Variants in OSBPL6 observed in about 807,000 individuals in gnomAD.
The protein encoded by OSBPL6 is oxysterol-binding protein-related protein 6.
Under a neutral mutation model 125.8 loss-of-function variants are expected in OSBPL6, and 49 were observed. That is an observed-to-expected ratio of 0.39 (90% CI 0.31 to 0.49). OSBPL6 has a LOEUF of 0.49. Ranked by LOEUF, OSBPL6 falls within the 20% of genes least tolerant of loss-of-function variation. OSBPL6 has a pLI of 0.88. For missense variants in OSBPL6, 986 were observed against 1,135.4 expected, an observed-to-expected ratio of 0.87 and a Z score of 1.89; for synonymous variants, 394 against 391.8, an observed-to-expected ratio of 1.01 and a Z score of -0.07.
intron 3 of OSBPL6, among the ~76,000 whole-genome samples, chr2:178,316,020 T>C (rs913156030): frequency 4.6e-5 from 7 of 152,176 alleles, no homozygotes; most frequent in African/African-American, 1.4e-4. Context: ...CCACTGTAAC[T>C]CTCCTGGACT....
At chr2:178,228,349 C>T (rs967525931) in intron 1 of OSBPL6, among the ~76,000 whole-genome samples, 2 of 152,252 alleles carry the variant, frequency 1.3e-5, no homozygotes, top group African/African-American at 2.4e-5. Context: ...TCCTGGCTAA[C>T]ATGGTGAAAC....
At chr2:178,273,252 A>G (rs2092406470) in intron 1 of OSBPL6, among the ~76,000 whole-genome samples, 1 of 152,170 alleles carries the variant, frequency 6.6e-6, no homozygotes, top group African/African-American at 2.4e-5. Flanking sequence ...AGGCTAAGGA[A>G]TTTCGGCTTT....
chr2:178,281,603 G>T (rs1684179532), intron 1 of OSBPL6, among the ~76,000 whole-genome samples: 1 of 152,074 alleles, frequency 6.6e-6, no homozygotes, highest in African/African-American at 2.4e-5. Context: ...TATTTTCTAT[G>T]CTGTCCCATT....
At chr2:178,197,778 T>TA (rs1210668946) in intron 1 of OSBPL6, among the ~76,000 whole-genome samples, 34 of 150,846 alleles carry the variant, frequency 2.3e-4, no homozygotes, top group Admixed American at 1.4e-3. Context: ...GATATTGTAT[T>TA]AAAAAAAAAG....
At chr2:178,358,026 T>C (rs916573900) in intron 12 of OSBPL6, among the ~76,000 whole-genome samples, 3 of 152,126 alleles carry the variant, frequency 2.0e-5, no homozygotes, top group East Asian at 1.9e-4. Flanking sequence ...TAGGTGGGAA[T>C]TGAATAACAA....
At chr2:178,370,080 C>G (rs999484669) in intron 13 of OSBPL6, among the ~76,000 whole-genome samples, 1 of 152,116 alleles carries the variant, frequency 6.6e-6, no homozygotes, top group African/African-American at 2.4e-5. Flanking sequence ...GCCTGGCGAA[C>G]ATGGCAAAAC....
At chr2:178,357,425 A>T (rs1336450190) in intron 12 of OSBPL6, among the ~76,000 whole-genome samples, 1 of 152,252 alleles carries the variant, frequency 6.6e-6, no homozygotes, top group Non-Finnish European at 1.5e-5. Context: ...TGGGCAAAGG[A>T]TATGAACAGA....
chr2:178,384,603 G>A (rs144429060), intron 18 of OSBPL6, among the ~76,000 whole-genome samples: 1 of 152,264 alleles, frequency 6.6e-6, no homozygotes, highest in East Asian at 1.9e-4. Flanking sequence ...TGAGAGGGTG[G>A]TAGAGAGAGA....
intron 10 of OSBPL6, 70 bp from the exon 11 acceptor site, chr2:178,339,602 T>A (rs1690016804): frequency 7.9e-7 from 1 of 1,268,054 alleles, no homozygotes; most frequent in Admixed American, 2.8e-5. Flanking sequence ...TGCTGTGCTC[T>A]TGTCTATATC....
chr2:178,343,254 G>T (rs1690385796), intron 11 of OSBPL6, among the ~76,000 whole-genome samples: 1 of 152,062 alleles, frequency 6.6e-6, no homozygotes, highest in Non-Finnish European at 1.5e-5. Flanking sequence ...GGGCAAGGTG[G>T]CTCATGCCTG....
chr2:178,280,488 C>T (rs1684047788), intron 1 of OSBPL6, among the ~76,000 whole-genome samples: 2 of 152,166 alleles, frequency 1.3e-5, no homozygotes, highest in African/African-American at 2.4e-5. Context: ...GCGGGTACTA[C>T]ACTTCATCTT....
At chr2:178,342,933 T>C (rs764015060) in intron 11 of OSBPL6, among the ~76,000 whole-genome samples, 5 of 152,222 alleles carry the variant, frequency 3.3e-5, no homozygotes, top group African/African-American at 1.2e-4. Flanking sequence ...GAATAAGTTC[T>C]TCCCCCTTTT....
intron 5 of OSBPL6, among the ~76,000 whole-genome samples, chr2:178,330,483 G>A (rs1423541802): frequency 1.3e-5 from 2 of 152,172 alleles, no homozygotes; most frequent in Non-Finnish European, 2.9e-5. Flanking sequence ...TTTTAATCAA[G>A]TGTTTTTCAA....
At position 178,222,460 on chromosome 2, in the gene OSBPL6, G is replaced by A. The variant is rs182626786; in HGVS notation, c.-351+27786G>A. 8.0e-3 allele frequency among the ~76,000 whole-genome samples: 1,220 copies of A among 152,254 alleles called. 22 individuals carry two copies. The highest frequency in any genetic ancestry group is 0.075 in the East Asian group (389 of 5,170). ...GAGATCGAGACCATCCTGCTAACACGGTGAAACCCCGTCTCTACTAAAAAT... is the reference window on the plus strand; with the variant it reads ...GAGATCGAGACCATCCTGCTAACACAGTGAAACCCCGTCTCTACTAAAAAT... On this transcript the variant is annotated intron_variant, in intron 1 of 24. Coordinates refer to ENST00000190611, the MANE Select transcript of OSBPL6 (RefSeq NM_032523.4).
At chr2:178,234,954 G>A (rs2090987447) in intron 1 of OSBPL6, among the ~76,000 whole-genome samples, 3 of 152,126 alleles carry the variant, frequency 2.0e-5, no homozygotes, top group African/African-American at 7.2e-5. Context: ...CCTTGTCTGT[G>A]AATCATGCCA....
chr2:178,214,392 G>T (rs1191834940), intron 1 of OSBPL6, among the ~76,000 whole-genome samples: 1 of 152,166 alleles, frequency 6.6e-6, no homozygotes, highest in Non-Finnish European at 1.5e-5. Context: ...ACAACCAATA[G>T]AAGATAAAAG....
intron 1 of OSBPL6, among the ~76,000 whole-genome samples, chr2:178,271,634 G>A (rs1454368150): frequency 6.6e-6 from 1 of 152,124 alleles, no homozygotes; most frequent in African/African-American, 2.4e-5. Flanking sequence ...GCTACTAACA[G>A]TGTTCACCTA....
At chr2:178,362,818 G>T (rs1420622016) in intron 13 of OSBPL6, among the ~76,000 whole-genome samples, 4 of 152,208 alleles carry the variant, frequency 2.6e-5, no homozygotes, top group Admixed American at 2.6e-4. Context: ...ACTGTCAGCT[G>T]AGGGGCATAT....
chr2:178,332,819 T>C, intron 7 of OSBPL6, 52 bp from the exon 8 acceptor site: 1 of 1,609,026 alleles, frequency 6.2e-7, no homozygotes, highest in Non-Finnish European at 8.5e-7. Flanking sequence ...ACACCAGTGG[T>C]AGGCAGGAGA....
Sources: allele counts gnomAD v4.1 joint callset (sites outside exome capture counted in the v4.1 genomes callset), GRCh38; gene constraint gnomAD v4.1.1; transcripts MANE v1.5; gene names NCBI Gene and HGNC (gene_info 2026-07-23, HGNC 2026-07-21).